TOX: variants seen among roughly 807,000 people sequenced by gnomAD.
The protein encoded by TOX is thymocyte selection-associated high mobility group box protein TOX.
A neutral mutation model predicts 53.7 loss-of-function variants in TOX; 11 were observed. The ratio of observed to expected loss-of-function variants is 0.20; its 90% CI spans 0.13 to 0.34. TOX has a LOEUF of 0.34. Among genes scored for constraint, TOX ranks in the 10% least tolerant of loss-of-function variants. The probability of loss-of-function intolerance (pLI) is 1.00; values close to 1 mark genes in which losing one functional copy is unlikely to be tolerated. For synonymous variants in TOX, 225 were observed against 245.3 expected, an observed-to-expected ratio of 0.92 and a Z score of 0.77; for missense variants, 570 against 664.6, an observed-to-expected ratio of 0.86 and a Z score of 1.56.
chr8:59,096,209 T>A (rs1165149404), intron 1 of TOX, among the ~76,000 whole-genome samples: 2 of 152,226 alleles, frequency 1.3e-5, no homozygotes, highest in Non-Finnish European at 2.9e-5. Flanking sequence ...TAACATTGCT[T>A]CAAAAATGAC....
intron 5 of TOX, among the ~76,000 whole-genome samples, chr8:58,837,530 A>C (rs1008695494): frequency 6.6e-6 from 1 of 152,158 alleles, no homozygotes; most frequent in Admixed American, 6.5e-5. Flanking sequence ...CCAGGGCAAT[A>C]CATGAGAGAA....
chr8:59,068,741 C>T (rs903663500), intron 1 of TOX, among the ~76,000 whole-genome samples: 1 of 152,122 alleles, frequency 6.6e-6, no homozygotes, highest in Non-Finnish European at 1.5e-5. Flanking sequence ...AGTCTGGCCA[C>T]GCTCCAGGCA....
chr8:58,898,753 C>T (rs1811689206), intron 3 of TOX, among the ~76,000 whole-genome samples: 1 of 152,124 alleles, frequency 6.6e-6, no homozygotes, highest in Non-Finnish European at 1.5e-5. Flanking sequence ...GGGGTGAATC[C>T]CACGAGGACA....
chr8:59,110,910 T>C (rs762435633), intron 1 of TOX, among the ~76,000 whole-genome samples: 1 of 152,130 alleles, frequency 6.6e-6, no homozygotes, highest in African/African-American at 2.4e-5. Context: ...GCAGCAGAAA[T>C]GGAAGAAATG....
chr8:59,115,139 GA>G (rs1322046336), intron 1 of TOX, among the ~76,000 whole-genome samples: 1 of 152,056 alleles, frequency 6.6e-6, no homozygotes, highest in Non-Finnish European at 1.5e-5. Context: ...ACCAAAGAAA[GA>G]TTCAGGACAT....
intron 3 of TOX, among the ~76,000 whole-genome samples, chr8:58,866,414 G>A (rs575819487): frequency 3.5e-4 from 53 of 152,186 alleles, no homozygotes; most frequent in African/African-American, 1.3e-3. Flanking sequence ...TAATGCCACA[G>A]GAATAAAAAA....
chr8:58,985,366 T>C (rs74352492), intron 1 of TOX, among the ~76,000 whole-genome samples: 1,699 of 152,242 alleles, frequency 0.011, 27 homozygotes, highest in Middle Eastern at 0.051. Flanking sequence ...AACACTATGA[T>C]AAGTGAAATA....
rs556397622 is a variant in TOX at position 59,064,205 on chromosome 8, T to C, written c.102+54681A>G. On this transcript the variant is annotated intron_variant, in intron 1 of 8. Transcript: ENST00000361421. ...TCTATTACAAGGATATAGACCTTTT[T>C]CCCTGCAAAGCTATTAACATATATA... Among the ~76,000 whole-genome samples, 4 of 152,274 alleles carry C rather than the reference T, an allele frequency of 2.6e-5. No individual in the cohort carries two copies. The South Asian group carries it at 8.3e-4, about 32-fold the overall frequency.
intron 1 of TOX, among the ~76,000 whole-genome samples, chr8:58,998,777 T>C (rs1490410615): frequency 1.3e-5 from 2 of 151,664 alleles, no homozygotes; most frequent in Non-Finnish European, 2.9e-5. Context: ...GCTAACTGAA[T>C]AATTGATTCA....
intron 1 of TOX, among the ~76,000 whole-genome samples, chr8:59,063,769 T>C (rs1396213399): frequency 2.0e-5 from 3 of 152,128 alleles, no homozygotes; most frequent in African/African-American, 7.2e-5. Context: ...ATCTCAACTA[T>C]AAAAGCATAT....
At position 58,993,503 on chromosome 8, in the gene TOX, A is replaced by G. The variant is rs115746197; in HGVS notation, c.103-33495T>C. The stretch of plus-strand genomic sequence containing the variant: ...AGACTGGGAAAAGTCCTTCTCATCT[A>G]CATGGTACAGGAACTGCAGAGATTT... On this transcript the variant is annotated intron_variant, in intron 1 of 8. Coordinates refer to ENST00000361421, the MANE Select transcript of TOX (RefSeq NM_014729.3). Among the ~76,000 whole-genome samples the G allele has an allele frequency of 5.9e-3, 893 of 152,350 alleles. 4 individuals carry two copies. The highest frequency in any genetic ancestry group is 0.02 in the African/African-American group (852 of 41,584).
At chr8:58,875,537 G>A (rs1051715344) in intron 3 of TOX, among the ~76,000 whole-genome samples, 1 of 152,032 alleles carries the variant, frequency 6.6e-6, no homozygotes, top group Non-Finnish European at 1.5e-5. Flanking sequence ...CTCCCTCTTA[G>A]AATAGAAAAA....
chr8:58,983,654 C>G (rs181429111), intron 1 of TOX, among the ~76,000 whole-genome samples: 70 of 152,268 alleles, frequency 4.6e-4, no homozygotes, highest in African/African-American at 1.6e-3. Flanking sequence ...CTTAGAATGT[C>G]AAATCAATTT....
At chr8:58,998,507 A>AAATT (rs1261844883) in intron 1 of TOX, among the ~76,000 whole-genome samples, 5 of 92,846 alleles carry the variant, frequency 5.4e-5, no homozygotes, top group East Asian at 3.3e-4. Flanking sequence ...ATATATATAT[A>AAATT]TATATATATA....
chr8:59,089,771 A>G (rs1240110787), intron 1 of TOX, among the ~76,000 whole-genome samples: 1 of 152,178 alleles, frequency 6.6e-6, no homozygotes, highest in Non-Finnish European at 1.5e-5. Context: ...TAATTTGTAG[A>G]GATGATCCTT....
intron 1 of TOX, among the ~76,000 whole-genome samples, chr8:59,061,551 A>C (rs1248742826): frequency 6.6e-6 from 1 of 152,162 alleles, no homozygotes. Context: ...TTATCTGGTA[A>C]AAATCCCCTC....
intron 1 of TOX, among the ~76,000 whole-genome samples, chr8:59,113,435 G>A (rs1230900770): frequency 2.0e-5 from 3 of 152,180 alleles, no homozygotes; most frequent in Non-Finnish European, 4.4e-5. Flanking sequence ...GATGGGGAAA[G>A]GAAAACAGCA....
intron 3 of TOX, among the ~76,000 whole-genome samples, chr8:58,909,086 A>C (rs1452838329): frequency 6.6e-6 from 1 of 152,202 alleles, no homozygotes; most frequent in Non-Finnish European, 1.5e-5. Context: ...CTCTAGTCAC[A>C]CATTAGAATT....
chr8:58,950,476 A>C (rs962527666), intron 2 of TOX, among the ~76,000 whole-genome samples: 2 of 152,194 alleles, frequency 1.3e-5, no homozygotes, highest in African/African-American at 4.8e-5. Flanking sequence ...ACATGCTGAT[A>C]TGCAATCCTA....
Sources: gnomAD v4.1 joint callset for allele counts (sites outside exome capture counted in the v4.1 genomes callset) on GRCh38, gnomAD v4.1.1 for gene constraint, MANE v1.5 for transcripts, NCBI Gene and HGNC (gene_info 2026-07-23, HGNC 2026-07-21) for gene names.